SGCD: variants seen among roughly 807,000 people sequenced by gnomAD.
SGCD encodes the protein delta-sarcoglycan.
Under a neutral mutation model 36.6 loss-of-function variants are expected in SGCD, and 18 were observed. The ratio of observed to expected loss-of-function variants is 0.49; its 90% CI spans 0.34 to 0.73. SGCD has a LOEUF of 0.73. Ranked by LOEUF, SGCD falls within the 30% of genes least tolerant of loss-of-function variation. The probability of loss-of-function intolerance (pLI) is 0.01; values close to 1 mark genes in which losing one functional copy is unlikely to be tolerated. For synonymous variants in SGCD, 133 were observed against 130.6 expected (o/e 1.02, Z -0.12); for missense variants, 387 against 346.7 (o/e 1.12, Z -0.92).
intron 1 of SGCD, among the ~76,000 whole-genome samples, chr5:155,962,212 GT>G (rs1242661096): frequency 1.3e-5 from 2 of 151,968 alleles, no homozygotes; most frequent in African/African-American, 4.8e-5. Flanking sequence ...TAATCATCAG[GT>G]TTTACTCACT....
At chr5:156,611,423 A>G (rs1047540433) in intron 6 of SGCD, among the ~76,000 whole-genome samples, 9 of 152,174 alleles carry the variant, frequency 5.9e-5, no homozygotes, top group Non-Finnish European at 1.0e-4. Context: ...AACACTTTGA[A>G]TATATTATTT....
chr5:156,622,440 A>ATAG (rs1391483341), intron 6 of SGCD, among the ~76,000 whole-genome samples: 3 of 87,144 alleles, frequency 3.4e-5, no homozygotes, highest in Non-Finnish European at 7.8e-5. Flanking sequence ...CTAAAAAATA[A>ATAG]TAATAATAAT....
At chr5:156,409,498 C>T (rs891330361) in intron 3 of SGCD, among the ~76,000 whole-genome samples, 10 of 152,188 alleles carry the variant, frequency 6.6e-5, no homozygotes, top group Non-Finnish European at 1.3e-4. Context: ...AACCAATCCC[C>T]GGGCCCGGCT....
chr5:156,217,000 C>CA (rs1764592580), intron 3 of SGCD, among the ~76,000 whole-genome samples: 1 of 152,130 alleles, frequency 6.6e-6, no homozygotes, highest in Non-Finnish European at 1.5e-5. Context: ...AACACTTGAA[C>CA]CTGGGAGGCG....
chr5:156,574,748 G>C (rs1759859106), intron 4 of SGCD, among the ~76,000 whole-genome samples: 1 of 152,168 alleles, frequency 6.6e-6, no homozygotes, highest in African/African-American at 2.4e-5. Flanking sequence ...ACATAAGCCA[G>C]TCTCTATGTA....
In SGCD at chr5:156,279,380, C is replaced by A. The variant is rs547394989; in HGVS notation, c.-43-50154C>A. 5.9e-5 allele frequency among the ~76,000 whole-genome samples: 9 copies of A among 152,218 alleles called. No homozygotes were observed. In the South Asian group the frequency reaches 1.7e-3, roughly 28 times the overall value. On this transcript the variant is annotated intron_variant, in intron 3 of 9. Coordinates refer to the SGCD transcript ENST00000517913. ...ATTTCAAATTTAGATCATGTGTTAG[C>A]AAGCCTAACACTTAGAGTTTATACC...
At chr5:156,153,581 C>T (rs1195401335) in intron 3 of SGCD, among the ~76,000 whole-genome samples, 1 of 151,574 alleles carries the variant, frequency 6.6e-6, no homozygotes, top group Non-Finnish European at 1.5e-5. Flanking sequence ...ACTACCTTGG[C>T]CTTATTTTGG....
At chr5:156,002,659 C>T (rs1477885843) in intron 1 of SGCD, among the ~76,000 whole-genome samples, 1 of 152,204 alleles carries the variant, frequency 6.6e-6, no homozygotes, top group Non-Finnish European at 1.5e-5. Context: ...TCTGTGTTCA[C>T]ACCATCTTAA....
At chr5:156,343,287 G>A (rs540405796) in intron 2 of SGCD, among the ~76,000 whole-genome samples, 1 of 152,144 alleles carries the variant, frequency 6.6e-6, no homozygotes, top group Non-Finnish European at 1.5e-5. Flanking sequence ...AGGGAATGCA[G>A]TGTGTCTACA....
At chr5:156,317,870 C>A (rs1337573561) in intron 3 of SGCD, among the ~76,000 whole-genome samples, 2 of 152,188 alleles carry the variant, frequency 1.3e-5, no homozygotes, top group Admixed American at 1.3e-4. Context: ...AGTGGCTCAA[C>A]ACCCATGATC....
chr5:156,635,981 C>A (rs1468879618), intron 6 of SGCD, among the ~76,000 whole-genome samples: 1 of 151,990 alleles, frequency 6.6e-6, no homozygotes, highest in Non-Finnish European at 1.5e-5. Flanking sequence ...CACATGTATA[C>A]ATATGTAACA....
chr5:156,248,583 G>A lies in SGCD; in HGVS notation c.-43-80951G>A, dbSNP rs111433378. On this transcript the variant is annotated intron_variant, in intron 3 of 9. Transcript: ENST00000517913. ...GAGGAGGAAGAGAAAAATGCAAGGG[G>A]AACCTCAAAAGACAAGTAGAAGCTA... 2.1e-3 allele frequency among the ~76,000 whole-genome samples: 318 copies of A among 152,112 alleles called. 1 individual carries two copies. Among genetic ancestry groups the A allele is most frequent in the Non-Finnish European group, 3.3e-3 (225 of 67,972 alleles).
In SGCD at chr5:155,884,843, T is replaced by A. The variant is rs1192888146; in HGVS notation, c.-282+14419T>A. Reference sequence around the variant, plus strand: ...ACTTGTGATAATTAAATGAAAAGCATGTAACAAACAACGCAGTACCTGACA... The same window carrying A: ...ACTTGTGATAATTAAATGAAAAGCAAGTAACAAACAACGCAGTACCTGACA... On this transcript the variant is annotated intron_variant, in intron 1 of 9. Transcript: ENST00000517913. Among the ~76,000 whole-genome samples, 2 of 54,624 alleles carry A rather than the reference T, an allele frequency of 3.7e-5. 1 individual carries two copies. Among genetic ancestry groups the A allele is most frequent in the Non-Finnish European group, 6.0e-5 (2 of 33,202 alleles). The allele number at this position is 54,624 out of a possible 152,430, so 35.8% of individuals were successfully genotyped here. A position where few individuals can be genotyped will look rare whatever the true frequency, so the allele number is the denominator to read the frequency against.
chr5:156,253,403 A>G (rs1765635192), intron 3 of SGCD, among the ~76,000 whole-genome samples: 1 of 152,182 alleles, frequency 6.6e-6, no homozygotes, highest in South Asian at 2.1e-4. Context: ...TTATATTTAC[A>G]AGGAAGGGAC....
At chr5:155,777,656 A>G in the SGCD span, among the ~76,000 whole-genome samples, 1 of 152,146 alleles carries the variant, frequency 6.6e-6, no homozygotes, top group Non-Finnish European at 1.5e-5. Context: ...GTGCCCGGCC[A>G]TAGAAATGTT....
intron 1 of SGCD, among the ~76,000 whole-genome samples, chr5:156,089,205 G>A (rs751321035): frequency 2.6e-5 from 4 of 152,218 alleles, no homozygotes; most frequent in Non-Finnish European, 5.9e-5. Flanking sequence ...TCTCCCATAT[G>A]TAATTTTAAA....
intron 6 of SGCD, among the ~76,000 whole-genome samples, chr5:156,630,483 A>G (rs998891832): frequency 4.6e-5 from 7 of 152,204 alleles, no homozygotes; most frequent in African/African-American, 1.7e-4. Context: ...GCCATGCACT[A>G]TTCTAAGTGC....
intron 7 of SGCD, among the ~76,000 whole-genome samples, chr5:156,745,159 C>G (rs559263190): frequency 2.0e-5 from 3 of 152,056 alleles, no homozygotes; most frequent in Non-Finnish European, 4.4e-5. Flanking sequence ...TGGGACCCCC[C>G]CAGTTACCAA....
Position 156,757,664 on chromosome 5 carries a change from C to T in SGCD, c.659C>T (p.Thr220Ile), listed in dbSNP as rs1471128348. The T allele has an allele frequency of 1.6e-5, 25 of 1,609,222 alleles. No homozygotes were observed. In the East Asian group the frequency reaches 4.9e-4, roughly 32 times the overall value. ...INAEAGNMEA[T>I]CRTELRLESK... ...GCAGAAGCTGGCAATATGGAAGCCA[C>T]CTGCAGGACAGAGCTGAGACTGGAA... Residue 220 changes from threonine to isoleucine, a missense_variant, in exon 8 of 9, where the codon ACC becomes ATC. Physicochemically the swap from Thr to Ile is moderately conservative, Grantham distance 89 (BLOSUM62 -1). Transcript: ENST00000337851.
Sources: gnomAD v4.1 joint callset for allele counts (sites outside exome capture counted in the v4.1 genomes callset) on GRCh38, gnomAD v4.1.1 for gene constraint, MANE v1.5 for transcripts, NCBI Gene and HGNC (gene_info 2026-07-23, HGNC 2026-07-21) for gene names.